The following RGS6 variants were observed in gnomAD, a reference collection of about 807,000 sequenced individuals.
RGS6 encodes the protein regulator of G protein signaling 6.
Under a neutral mutation model 78.5 loss-of-function variants are expected in RGS6, and 30 were observed. The observed-to-expected ratio is 0.38, with a 90% CI of 0.29 to 0.52. The LOEUF is 0.52. Among genes scored for constraint, RGS6 ranks in the 20% least tolerant of loss-of-function variants. The probability of loss-of-function intolerance (pLI) is 0.85; values close to 1 mark genes in which losing one functional copy is unlikely to be tolerated. For missense variants in RGS6, 495 were observed against 609.7 expected (o/e 0.81, Z 1.98); for synonymous variants, 206 against 206.0 (o/e 1.00, Z 0.00).
At chr14:72,005,469 A>ATCTATCTATCTATC (rs1595960112) in intron 2 of RGS6, among the ~76,000 whole-genome samples, 5 of 8,558 alleles carry the variant, frequency 5.8e-4, no homozygotes, top group African/African-American at 2.1e-3. Context: ...ATCTATCTAT[A>ATCTATCTATCTATC]TCTCCCTATT....
intron 2 of RGS6, among the ~76,000 whole-genome samples, chr14:72,259,473 A>G (rs756839651): frequency 4.6e-5 from 7 of 152,192 alleles, no homozygotes; most frequent in Non-Finnish European, 8.8e-5. Context: ...AGTACGCTTC[A>G]TAAGGCTGAG....
intron 2 of RGS6, among the ~76,000 whole-genome samples, chr14:72,172,067 T>C (rs1282971735): frequency 6.6e-6 from 1 of 152,124 alleles, no homozygotes; most frequent in Non-Finnish European, 1.5e-5. Flanking sequence ...CATTTAAATA[T>C]GGAAGTTTCA....
At chr14:71,997,500 A>T (rs528471921) in intron 2 of RGS6, among the ~76,000 whole-genome samples, 1 of 152,326 alleles carries the variant, frequency 6.6e-6, no homozygotes, top group East Asian at 1.9e-4. Flanking sequence ...ATCATAATGC[A>T]TGTGCATTGT....
intron 3 of RGS6, among the ~76,000 whole-genome samples, chr14:72,446,109 A>G (rs2095356859): frequency 6.6e-6 from 1 of 152,186 alleles, no homozygotes; most frequent in African/African-American, 2.4e-5. Context: ...AAATTTAAAA[A>G]TTAGCCAGCA....
At chr14:72,293,956 A>G (rs1223548988) in intron 2 of RGS6, among the ~76,000 whole-genome samples, 4 of 152,188 alleles carry the variant, frequency 2.6e-5, no homozygotes, top group Non-Finnish European at 5.9e-5. Context: ...TCGTTTGCCA[A>G]TCCCTGGGCT....
chr14:72,333,525 T>A (rs545236009), intron 2 of RGS6, among the ~76,000 whole-genome samples: 1 of 152,360 alleles, frequency 6.6e-6, no homozygotes, highest in South Asian at 2.1e-4. Flanking sequence ...GTCCTCTCCA[T>A]GCAGCTCCCA....
chr14:72,512,294 G>T (rs949939587), intron 14 of RGS6, among the ~76,000 whole-genome samples: 5 of 152,190 alleles, frequency 3.3e-5, no homozygotes, highest in Non-Finnish European at 7.3e-5. Flanking sequence ...TGGCTCAGCT[G>T]CCACCTTGCC....
rs548559959 is a variant in RGS6 at position 72,247,930 on chromosome 14, A to G, written c.85-104165A>G. On this transcript the variant is annotated intron_variant, in intron 2 of 17. Transcript: ENST00000553525. The stretch of plus-strand genomic sequence containing the variant: ...TATAAGAAATAAATCTCTGTTCTTA[A>G]TTATCCAGTCTGTGTTATTCTGTTA... Among the ~76,000 whole-genome samples, 20 of 152,308 alleles carry G rather than the reference A, an allele frequency of 1.3e-4. No individual in the cohort carries two copies. The South Asian group carries it at 4.2e-3, about 32-fold the overall frequency.
intron 2 of RGS6, among the ~76,000 whole-genome samples, chr14:72,203,513 A>T (rs1354099816): frequency 6.6e-6 from 1 of 152,178 alleles, no homozygotes; most frequent in Non-Finnish European, 1.5e-5. Flanking sequence ...GTGGGGAAGG[A>T]CCTGCTTTCA....
the RGS6 span, among the ~76,000 whole-genome samples, chr14:71,915,196 G>A: frequency 6.6e-6 from 1 of 151,884 alleles, no homozygotes; most frequent in Non-Finnish European, 1.5e-5. Context: ...GGCAGAGGTT[G>A]CAGTGAGGCG....
intron 2 of RGS6, among the ~76,000 whole-genome samples, chr14:72,294,768 T>C (rs930544279): frequency 2.6e-5 from 4 of 151,982 alleles, no homozygotes; most frequent in African/African-American, 9.7e-5. Flanking sequence ...AACTCTATCA[T>C]GAGAACAGCA....
At chr14:71,987,823 A>G (rs943281734) in intron 2 of RGS6, among the ~76,000 whole-genome samples, 1 of 152,192 alleles carries the variant, frequency 6.6e-6, no homozygotes, top group African/African-American at 2.4e-5. Flanking sequence ...TGCTTGAACT[A>G]TATTTTAAAA....
intron 2 of RGS6, among the ~76,000 whole-genome samples, chr14:72,053,061 C>CTCCCTTCCCTCCCT (rs2093403988): frequency 1.9e-4 from 3 of 15,610 alleles, no homozygotes; most frequent in Non-Finnish European, 2.9e-4. Flanking sequence ...CCCTCCCTCC[C>CTCCCTTCCCTCCCT]TCCCTCCCTC....
At chr14:71,890,047 C>T in the RGS6 span, among the ~76,000 whole-genome samples, 36 of 152,162 alleles carry the variant, frequency 2.4e-4, no homozygotes, top group African/African-American at 8.2e-4. Context: ...TCTCTGAGGC[C>T]CCCCCAGAAG....
the RGS6 span, among the ~76,000 whole-genome samples, chr14:71,915,565 T>A: frequency 6.6e-6 from 1 of 152,172 alleles, no homozygotes; most frequent in East Asian, 1.9e-4. Flanking sequence ...TAGGGCCTAG[T>A]GTCCACTCCA....
chr14:72,017,514 CTG>C (rs2087303641), intron 2 of RGS6, among the ~76,000 whole-genome samples: 1 of 152,072 alleles, frequency 6.6e-6, no homozygotes, highest in Non-Finnish European at 1.5e-5. Flanking sequence ...TCCATGTTGT[CTG>C]TGGTACCATT....
chr14:72,412,532 T>G (rs996071306), intron 3 of RGS6, among the ~76,000 whole-genome samples: 76 of 152,274 alleles, frequency 5.0e-4, no homozygotes, highest in African/African-American at 1.5e-3. Flanking sequence ...TGGATTCATT[T>G]ATTTTTTTGA....
intron 2 of RGS6, among the ~76,000 whole-genome samples, chr14:72,048,190 A>T (rs192166748): frequency 6.6e-6 from 1 of 152,252 alleles, no homozygotes; most frequent in Non-Finnish European, 1.5e-5. Context: ...TAGCTAAATT[A>T]TCACCCATCT....
intron 2 of RGS6, among the ~76,000 whole-genome samples, chr14:72,342,642 A>G (rs1162966414): frequency 6.8e-6 from 1 of 147,184 alleles, no homozygotes; most frequent in Non-Finnish European, 1.5e-5. Flanking sequence ...AGGTGGGAGA[A>G]TTGCTTGTAC....
Sources: gnomAD v4.1 joint callset for allele counts (sites outside exome capture counted in the v4.1 genomes callset) on GRCh38, gnomAD v4.1.1 for gene constraint, MANE v1.5 for transcripts, NCBI Gene and HGNC (gene_info 2026-07-23, HGNC 2026-07-21) for gene names.